ERBB4: variants seen among roughly 807,000 people sequenced by gnomAD.
ERBB4 encodes erb-b2 receptor tyrosine kinase 4, also known as receptor tyrosine-protein kinase erbB-4.
A neutral mutation model predicts 158.0 loss-of-function variants in ERBB4; 42 were observed. The ratio of observed to expected loss-of-function variants is 0.27; its 90% CI spans 0.21 to 0.34. The LOEUF (loss-of-function observed/expected upper bound fraction) is 0.34, where lower values mean the gene tolerates loss of function less well. ERBB4 is among the 10% of genes least tolerant of loss of function. The pLI, the probability that ERBB4 is intolerant of heterozygous loss-of-function variation, is 1.00. For missense variants in ERBB4, 1,333 were observed against 1,624.1 expected, an observed-to-expected ratio of 0.82 and a Z score of 3.08; for synonymous variants, 583 against 558.7, an observed-to-expected ratio of 1.04 and a Z score of -0.61.
At chr2:212,038,296 T>A (rs564393250) in intron 2 of ERBB4, among the ~76,000 whole-genome samples, 1 of 152,160 alleles carries the variant, frequency 6.6e-6, no homozygotes, top group South Asian at 2.1e-4. Context: ...GATAAAAATA[T>A]CATTGAATAG....
At chr2:211,996,426 T>C (rs2082201832) in intron 2 of ERBB4, among the ~76,000 whole-genome samples, 1 of 152,232 alleles carries the variant, frequency 6.6e-6, no homozygotes, top group Non-Finnish European at 1.5e-5. Flanking sequence ...ATTTTAAGAA[T>C]GAAAGCTGAT....
intron 15 of ERBB4, among the ~76,000 whole-genome samples, chr2:211,658,515 A>G (rs1322967290): frequency 1.3e-5 from 2 of 152,192 alleles, no homozygotes; most frequent in African/African-American, 2.4e-5. Context: ...TACTTTACAT[A>G]ATCACATTAT....
intron 2 of ERBB4, among the ~76,000 whole-genome samples, chr2:212,092,601 C>A (rs1575619844): frequency 1.3e-5 from 2 of 152,286 alleles, no homozygotes; most frequent in African/African-American, 4.8e-5. Context: ...ACAAATTTAA[C>A]TAACACCAAT....
chr2:212,301,854 T>C (rs868859538), intron 1 of ERBB4, among the ~76,000 whole-genome samples: 1 of 151,288 alleles, frequency 6.6e-6, no homozygotes. Context: ...AAAAATAACA[T>C]CACATCTTAT....
chr2:211,557,178 A>G (rs2067257503), intron 20 of ERBB4, among the ~76,000 whole-genome samples: 1 of 152,150 alleles, frequency 6.6e-6, no homozygotes, highest in Admixed American at 6.5e-5. Context: ...GACAACGTAG[A>G]CAATACCATT....
chr2:212,323,582 T>C (rs2087671312), intron 1 of ERBB4, among the ~76,000 whole-genome samples: 1 of 150,430 alleles, frequency 6.6e-6, no homozygotes, highest in African/African-American at 2.4e-5. Flanking sequence ...CAAAGTTTAA[T>C]AATATAACAT....
intron 2 of ERBB4, among the ~76,000 whole-genome samples, chr2:212,008,146 G>A (rs1404924463): frequency 6.6e-6 from 1 of 151,956 alleles, no homozygotes; most frequent in Non-Finnish European, 1.5e-5. Flanking sequence ...GCAAATGATA[G>A]CACTAACTTT....
At chr2:212,247,849 A>C (rs1368676322) in intron 1 of ERBB4, among the ~76,000 whole-genome samples, 3 of 152,156 alleles carry the variant, frequency 2.0e-5, no homozygotes, top group Non-Finnish European at 4.4e-5. Context: ...CTGTAATCCC[A>C]GCTACTAAGG....
intron 12 of ERBB4, among the ~76,000 whole-genome samples, chr2:211,686,017 A>C (rs2072550313): frequency 6.6e-6 from 1 of 152,126 alleles, no homozygotes; most frequent in South Asian, 2.1e-4. Flanking sequence ...AGGTTTTTGT[A>C]GATTTTTTGA....
At chr2:211,896,551 C>T (rs1267550080) in intron 3 of ERBB4, among the ~76,000 whole-genome samples, 1 of 152,072 alleles carries the variant, frequency 6.6e-6, no homozygotes, top group African/African-American at 2.4e-5. Context: ...TTTATTTCTA[C>T]CTTTTCTTCC....
chr2:212,008,865 A>T (rs75691445), intron 2 of ERBB4, among the ~76,000 whole-genome samples: 1 of 152,118 alleles, frequency 6.6e-6, no homozygotes, highest in African/African-American at 2.4e-5. Context: ...ATTCAGTCAC[A>T]GCCATGTAAA....
At chr2:212,513,952 G>T (rs1447469514) in intron 1 of ERBB4, among the ~76,000 whole-genome samples, 1 of 152,146 alleles carries the variant, frequency 6.6e-6, no homozygotes, top group Admixed American at 6.5e-5. Flanking sequence ...CCAAAATACA[G>T]ACCACTTTCC....
At chr2:212,502,349 T>C (rs1690942823) in intron 1 of ERBB4, among the ~76,000 whole-genome samples, 2 of 152,218 alleles carry the variant, frequency 1.3e-5, no homozygotes, top group African/African-American at 4.8e-5. Context: ...ACTTGCCCTG[T>C]ATTGTGCTGG....
At chr2:211,848,509 AG>A (rs1249948578) in intron 3 of ERBB4, among the ~76,000 whole-genome samples, 1 of 152,028 alleles carries the variant, frequency 6.6e-6, no homozygotes, top group Admixed American at 6.6e-5. Flanking sequence ...CACCTGACTT[AG>A]GGACTGCCTC....
At chr2:211,917,773 A>C (rs2079740445) in intron 3 of ERBB4, among the ~76,000 whole-genome samples, 2 of 152,194 alleles carry the variant, frequency 1.3e-5, no homozygotes, top group African/African-American at 4.8e-5. Context: ...ATTCTGGATG[A>C]CATTTGATTG....
chr2:212,118,237 G>A (rs535025933), intron 2 of ERBB4, among the ~76,000 whole-genome samples: 1 of 152,274 alleles, frequency 6.6e-6, no homozygotes, highest in South Asian at 2.1e-4. Context: ...CTCAATGGTT[G>A]TTCATCCTTA....
At chr2:212,127,312 G>T (rs560666157) in intron 1 of ERBB4, among the ~76,000 whole-genome samples, 111 of 152,292 alleles carry the variant, frequency 7.3e-4, no homozygotes, top group African/African-American at 2.6e-3. Flanking sequence ...TATATTTTTT[G>T]CTGGGTGCAG....
At chr2:211,742,905 C>CA (rs1237235505) in intron 5 of ERBB4, among the ~76,000 whole-genome samples, 1 of 151,676 alleles carries the variant, frequency 6.6e-6, no homozygotes, top group Non-Finnish European at 1.5e-5. Context: ...GATAACCTGG[C>CA]AAGTTCTATT....
At chr2:212,436,796 C>G (rs958086173) in intron 1 of ERBB4, among the ~76,000 whole-genome samples, 2 of 151,924 alleles carry the variant, frequency 1.3e-5, no homozygotes, top group African/African-American at 4.8e-5. Context: ...TTTCTCAAAC[C>G]AAAGAGACTT....
Sources: gnomAD v4.1 joint callset for allele counts (sites outside exome capture counted in the v4.1 genomes callset) on GRCh38, gnomAD v4.1.1 for gene constraint, MANE v1.5 for transcripts, NCBI Gene and HGNC (gene_info 2026-07-23, HGNC 2026-07-21) for gene names.